NFATC1: variants seen among roughly 807,000 people sequenced by gnomAD.
NFATC1 encodes the protein nuclear factor of activated T-cells, cytoplasmic 1.
Under a neutral mutation model 76.0 loss-of-function variants are expected in NFATC1, and 22 were observed. That is an observed-to-expected ratio of 0.29 (90% confidence interval 0.21 to 0.41). The LOEUF is 0.41. NFATC1 is among the 10% of genes least tolerant of loss of function. The pLI is 1.00. For missense variants in NFATC1, 1,357 were observed against 1,337.7 expected (o/e 1.01, Z -0.23); for synonymous variants, 704 against 613.1 (o/e 1.15, Z -2.19).
At chr18:79,423,980 T>G (rs115007310) in intron 2 of NFATC1, among the ~76,000 whole-genome samples, 2,319 of 152,226 alleles carry the variant, frequency 0.015, 54 homozygotes, top group African/African-American at 0.052. Context: ...CAGGCCCCCC[T>G]CTGACTCCTG....
intron 1 of NFATC1, among the ~76,000 whole-genome samples, chr18:79,399,814 C>T (rs1040962563): frequency 6.6e-6 from 1 of 152,164 alleles, no homozygotes; most frequent in Non-Finnish European, 1.5e-5. Flanking sequence ...AATCCCTGCG[C>T]TTCCCGGCAC....
intron 4 of NFATC1, among the ~76,000 whole-genome samples, chr18:79,450,426 A>G (rs534651590): frequency 6.7e-6 from 1 of 148,434 alleles, no homozygotes; most frequent in East Asian, 1.9e-4. Flanking sequence ...ATAATTATAA[A>G]TATATAATAT....
At chr18:79,419,640 A>G (rs2086002749) in intron 2 of NFATC1, among the ~76,000 whole-genome samples, 1 of 152,222 alleles carries the variant, frequency 6.6e-6, no homozygotes, top group Non-Finnish European at 1.5e-5. Flanking sequence ...AAACCTTCCC[A>G]GGTTCCCAAT....
intron 8 of NFATC1, among the ~76,000 whole-genome samples, chr18:79,473,711 T>C (rs549120477): frequency 6.9e-6 from 1 of 145,012 alleles, no homozygotes; most frequent in Admixed American, 6.9e-5. Flanking sequence ...CTGTCGACGT[T>C]GCAAGGGAAG....
chr18:79,501,703 A>G (rs1476162243), intron 9 of NFATC1, among the ~76,000 whole-genome samples: 3 of 150,878 alleles, frequency 2.0e-5, no homozygotes, highest in Non-Finnish European at 4.4e-5. Context: ...CAGGGTACAA[A>G]TAAATTATGT....
intron 9 of NFATC1, among the ~76,000 whole-genome samples, chr18:79,499,396 A>T (rs2089967227): frequency 6.6e-6 from 1 of 152,256 alleles, no homozygotes; most frequent in Non-Finnish European, 1.5e-5. Context: ...TAAATGATAC[A>T]CTAGAAAATA....
At chr18:79,501,476 C>T (rs1223062208) in intron 9 of NFATC1, among the ~76,000 whole-genome samples, 6 of 152,102 alleles carry the variant, frequency 3.9e-5, no homozygotes, top group Non-Finnish European at 7.4e-5. Flanking sequence ...ACTGGAGGTT[C>T]TAGCCAGTGT....
Position 79,482,306 on chromosome 18 carries a change from A to G in NFATC1, c.2093-3942A>G, listed in dbSNP as rs1293264143. On this transcript the variant is annotated intron_variant, in intron 8 of 9. Transcript: ENST00000427363. ...GACCTGGTTCCTGGGGTGTAATTCC[A>G]GCGTGACCTGGTTCCTGGGGTGTCA... Among the ~76,000 whole-genome samples the G allele has an allele frequency of 4.4e-5, 6 of 136,860 alleles. No individual in the cohort carries two copies. The East Asian group carries it at 9.9e-4, about 23-fold the overall frequency. 89.8% of individuals were successfully genotyped at this position (136,860 alleles called of 152,430 possible). A position where few individuals can be genotyped will look rare whatever the true frequency, so the allele number is the denominator to read the frequency against.
chr18:79,517,907 CTT>C (rs1430929136), intron 9 of NFATC1, among the ~76,000 whole-genome samples: 5 of 152,228 alleles, frequency 3.3e-5, no homozygotes, highest in Non-Finnish European at 2.9e-5. Context: ...AAGTTATAGT[CTT>C]CATCTGTGCT....
chr18:79,508,803 A>C (rs2090177359), intron 9 of NFATC1, among the ~76,000 whole-genome samples: 1 of 140,916 alleles, frequency 7.1e-6, no homozygotes, highest in Non-Finnish European at 1.5e-5. Context: ...CTCTCCGTCC[A>C]TCTCTCTCTC....
At chr18:79,497,753 G>A (rs1468694481) in intron 9 of NFATC1, 1 of 151,836 alleles carries the variant, frequency 6.6e-6, no homozygotes, top group East Asian at 1.9e-4. Context: ...GCTGCCTGTG[G>A]CTGGGAGGCA....
At chr18:79,403,686 C>T (rs962448683) in intron 1 of NFATC1, among the ~76,000 whole-genome samples, 3 of 152,268 alleles carry the variant, frequency 2.0e-5, no homozygotes, top group African/African-American at 7.2e-5. Flanking sequence ...CCGGGTCTGC[C>T]ACTGGCCTGT....
chr18:79,438,120 A>T (rs1212705102), intron 3 of NFATC1, among the ~76,000 whole-genome samples: 1 of 152,188 alleles, frequency 6.6e-6, no homozygotes, highest in African/African-American at 2.4e-5. Context: ...GCTCCGTCCG[A>T]GGAGGAGCTG....
At chr18:79,418,148 G>A (rs552186404) in intron 2 of NFATC1, among the ~76,000 whole-genome samples, 4 of 152,226 alleles carry the variant, frequency 2.6e-5, no homozygotes, top group Admixed American at 1.3e-4. Flanking sequence ...GGCTCGGGGT[G>A]TTGATGGAGA....
chr18:79,462,556 G>A lies in NFATC1; in HGVS notation c.1959+1190G>A, dbSNP rs147441935. Among the ~76,000 whole-genome samples, 794 of 152,116 alleles carry A rather than the reference G, an allele frequency of 5.2e-3. 11 individuals are homozygous for A. The highest frequency in any genetic ancestry group is 0.018 in the African/African-American group (736 of 41,484). Reference sequence around the variant, plus strand: ...CAACCTCAGGTGATCCGCCCGCCTCGGCCTCCCAAAGTGCTGGGATTACAG... The same window carrying A: ...CAACCTCAGGTGATCCGCCCGCCTCAGCCTCCCAAAGTGCTGGGATTACAG... On this transcript the variant is annotated intron_variant, in intron 7 of 9. Coordinates refer to ENST00000427363, the MANE Select transcript of NFATC1 (RefSeq NM_001278669.2).
chr18:79,474,855 C>A (rs1260573582), intron 8 of NFATC1, among the ~76,000 whole-genome samples: 1 of 139,412 alleles, frequency 7.2e-6, no homozygotes, highest in Non-Finnish European at 1.5e-5. Flanking sequence ...CAACGTAAAC[C>A]TGAGGGAAGC....
chr18:79,478,302 C>T (rs1354012007), intron 8 of NFATC1, among the ~76,000 whole-genome samples: 3 of 152,098 alleles, frequency 2.0e-5, no homozygotes, highest in Non-Finnish European at 4.4e-5. Context: ...AGAAGGGGGC[C>T]CTGATCTGGG....
intron 8 of NFATC1, among the ~76,000 whole-genome samples, chr18:79,484,568 C>T (rs949969397): frequency 2.0e-5 from 3 of 152,152 alleles, no homozygotes; most frequent in Non-Finnish European, 2.9e-5. Flanking sequence ...CTTTAAACCT[C>T]GATCTTTCTA....
At chr18:79,474,042 A>C (rs1161452415) in intron 8 of NFATC1, among the ~76,000 whole-genome samples, 7 of 131,620 alleles carry the variant, frequency 5.3e-5, no homozygotes, top group Non-Finnish European at 1.1e-4. Flanking sequence ...GCGTGTTCTC[A>C]CGCTCGCTGT....
Sources: gnomAD v4.1 joint callset for allele counts (sites outside exome capture counted in the v4.1 genomes callset) on GRCh38, gnomAD v4.1.1 for gene constraint, MANE v1.5 for transcripts, NCBI Gene and HGNC (gene_info 2026-07-23, HGNC 2026-07-21) for gene names.